Variants in SLC16A12 observed in about 807,000 individuals in gnomAD.
SLC16A12 encodes solute carrier family 16 member 12.
SLC16A12 carries 17 observed loss-of-function variants against 42.4 expected under a neutral mutation model. The observed-to-expected ratio is 0.40, with a 90% CI of 0.27 to 0.60. The LOEUF is 0.60. Among genes scored for constraint, SLC16A12 ranks in the 20% least tolerant of loss-of-function variants. SLC16A12 has a pLI of 0.42. For synonymous variants in SLC16A12, 224 were observed against 229.4 expected (o/e 0.98, Z 0.21); for missense variants, 544 against 623.0 (o/e 0.87, Z 1.35).
At chr10:89,533,001 G>A (rs918054795) in intron 2 of SLC16A12, among the ~76,000 whole-genome samples, 1 of 152,148 alleles carries the variant, frequency 6.6e-6, no homozygotes, top group Non-Finnish European at 1.5e-5. Flanking sequence ...AGTCACCAAG[G>A]TGATCTCCCT....
At chr10:89,493,325 C>T (rs1449973392) in intron 2 of SLC16A12, among the ~76,000 whole-genome samples, 3 of 151,468 alleles carry the variant, frequency 2.0e-5, no homozygotes, top group Non-Finnish European at 2.9e-5. Context: ...TGGGTGTTAG[C>T]GATTCTCATG....
intron 2 of SLC16A12, among the ~76,000 whole-genome samples, chr10:89,469,620 C>G (rs1842461806): frequency 6.6e-6 from 1 of 152,124 alleles, no homozygotes; most frequent in African/African-American, 2.4e-5. Context: ...TTTCCTTCAC[C>G]TTTAGCTGTA....
upstream of SLC16A12, among the ~76,000 whole-genome samples, chr10:89,539,865 C>CTTTCTTTCTTTCTTTCTT (rs1190342745): frequency 1.3e-3 from 177 of 131,372 alleles, 1 homozygote; most frequent in African/African-American, 5.1e-3. Context: ...ATTTTTCTTT[C>CTTTCTTTCTTTCTTTCTT]TTTCTTTCTT....
At chr10:89,537,470 C>G (rs889872282), upstream of SLC16A12, among the ~76,000 whole-genome samples, 2 of 151,886 alleles carry the variant, frequency 1.3e-5, no homozygotes, top group African/African-American at 4.8e-5. Flanking sequence ...TTTTCACTTG[C>G]AAAAAACCCT....
At chr10:89,467,237 C>T (rs148298014) in intron 2 of SLC16A12, among the ~76,000 whole-genome samples, 9 of 152,328 alleles carry the variant, frequency 5.9e-5, no homozygotes, top group African/African-American at 2.2e-4. Context: ...CTTATTAGTG[C>T]CGCCCTATGC....
intron 2 of SLC16A12, among the ~76,000 whole-genome samples, chr10:89,521,472 T>C (rs879257190): frequency 2.6e-5 from 4 of 152,240 alleles, no homozygotes; most frequent in African/African-American, 9.6e-5. Flanking sequence ...AACAATGATA[T>C]GTACAGCTGT....
At chr10:89,518,493 C>T (rs998484244) in intron 2 of SLC16A12, among the ~76,000 whole-genome samples, 8 of 152,174 alleles carry the variant, frequency 5.3e-5, no homozygotes, top group African/African-American at 1.9e-4. Flanking sequence ...AAACTGTTCA[C>T]GGTGCAAGCC....
chr10:89,451,765 C>A (rs111947303), intron 3 of SLC16A12, among the ~76,000 whole-genome samples: 2 of 152,106 alleles, frequency 1.3e-5, no homozygotes, highest in African/African-American at 4.8e-5. Context: ...ATGTGAGTGG[C>A]GGAGATACGT....
At chr10:89,548,772 C>T (rs1485801491) in intron 2 of SLC16A12, among the ~76,000 whole-genome samples, 1 of 152,144 alleles carries the variant, frequency 6.6e-6, no homozygotes, top group East Asian at 1.9e-4. Flanking sequence ...GCTGAGATCG[C>T]ACCCCTGCAC....
At chr10:89,447,986 T>C (rs541992014) in intron 3 of SLC16A12, among the ~76,000 whole-genome samples, 2 of 151,868 alleles carry the variant, frequency 1.3e-5, no homozygotes, top group African/African-American at 2.4e-5. Context: ...TATAAACACC[T>C]CTATGCAAAT....
At chr10:89,470,908 C>T (rs1000427359) in intron 2 of SLC16A12, among the ~76,000 whole-genome samples, 1 of 115,464 alleles carries the variant, frequency 8.7e-6, no homozygotes, top group Non-Finnish European at 2.0e-5. Context: ...ACCTCCCCCA[C>T]CACTACCACA....
intron 2 of SLC16A12, among the ~76,000 whole-genome samples, chr10:89,548,049 C>A (rs548942208): frequency 6.7e-6 from 1 of 149,774 alleles, no homozygotes; most frequent in South Asian, 2.1e-4. Context: ...AGGGCTGGAA[C>A]ACCTTCTTGG....
At position 89,439,054 on chromosome 10, in the gene SLC16A12, A is replaced by G; in HGVS notation, c.578T>C (p.Val193Ala). The change falls in exon 6 of 8, where the codon GTG (valine) becomes GCG (alanine). Residue 193 changes from valine to alanine, a missense_variant. By Grantham distance (64) the Val-to-Ala change is moderately conservative. Coordinates refer to ENST00000371790, the MANE Select transcript of SLC16A12 (RefSeq NM_213606.4). ...AAACTGTTCAATAAGGAGCTGAACC[A>G]CAGGAGCCAGGATGAAGGTGCCAAT... ...SGIGTFILAP[V>A]VQLLIEQFSW... The G allele has an allele frequency of 1.2e-6, 2 of 1,613,706 alleles. No individual in the cohort carries two copies. The highest frequency in any genetic ancestry group is 1.7e-6 in the Non-Finnish European group (2 of 1,179,784).
upstream of SLC16A12, among the ~76,000 whole-genome samples, chr10:89,539,651 T>C (rs1293921555): frequency 6.6e-6 from 1 of 152,220 alleles, no homozygotes; most frequent in African/African-American, 2.4e-5. Context: ...TAGAAGCTAC[T>C]GGAAGGTTGG....
intron 2 of SLC16A12, among the ~76,000 whole-genome samples, chr10:89,553,074 C>T (rs915757535): frequency 5.9e-5 from 9 of 152,022 alleles, no homozygotes; most frequent in East Asian, 1.9e-4. Context: ...GGTGAAACCC[C>T]GTCTCTACTC....
In SLC16A12 at chr10:89,438,611, C is replaced by A; in HGVS notation, c.1021G>T (p.Asp341Tyr). The A allele has an allele frequency of 6.2e-7, 1 of 1,613,506 alleles. No individual in the cohort carries two copies. Among genetic ancestry groups the A allele is most frequent in the South Asian group, 1.1e-5 (1 of 90,970 alleles). The change falls in exon 6 of 8, where the codon GAC becomes TAC. Residue 341 changes from aspartate to tyrosine, a missense_variant. By Grantham distance (160) the Asp-to-Tyr change is radical (BLOSUM62 -3). Transcript: ENST00000371790. Reference protein sequence around the residue: ...IGNITFGWLTDRRCLKNYQYV... With the variant: ...IGNITFGWLTYRRCLKNYQYV... ...TGGTTTCATGAATTTTACCTTCTGTCGGTCAGCCATCCAAATGTGATATTG... is the reference window on the plus strand; with the variant it reads ...TGGTTTCATGAATTTTACCTTCTGTAGGTCAGCCATCCAAATGTGATATTG...
At position 89,500,850 on chromosome 10, in the gene SLC16A12, CTG is replaced by C. The variant is rs540300431; in HGVS notation, c.-47+33649_-47+33650del. 2.0e-3 allele frequency among the ~76,000 whole-genome samples: 299 copies of C among 152,256 alleles called. 1 individual carries two copies. Among genetic ancestry groups the C allele is most frequent in the African/African-American group, 7.0e-3 (290 of 41,552 alleles). The stretch of plus-strand genomic sequence containing the variant: ...CCAAATCAGTGAAGAAGAAGTCAAA[CTG>C]TCACTGTTTGCTGATGATATGATTG... On this transcript the variant is annotated intron_variant, in intron 2 of 7. Transcript: ENST00000371790.
chr10:89,534,947 G>A (rs1843628211), intron 1 of SLC16A12, among the ~76,000 whole-genome samples: 1 of 152,008 alleles, frequency 6.6e-6, no homozygotes, highest in Admixed American at 6.5e-5. Flanking sequence ...ACGCTTTTCC[G>A]AGTCCACAAT....
At chr10:89,520,069 C>T (rs1045526003) in intron 2 of SLC16A12, among the ~76,000 whole-genome samples, 108 of 150,310 alleles carry the variant, frequency 7.2e-4, no homozygotes, top group Non-Finnish European at 1.3e-3. Flanking sequence ...GCCGAGATCG[C>T]GCCACTACAC....
Sources: gnomAD v4.1 joint callset for allele counts (sites outside exome capture counted in the v4.1 genomes callset) on GRCh38, gnomAD v4.1.1 for gene constraint, MANE v1.5 for transcripts, NCBI Gene and HGNC (gene_info 2026-07-23, HGNC 2026-07-21) for gene names.